Variants in CNTFR observed in about 807,000 individuals in gnomAD.
CNTFR encodes ciliary neurotrophic factor receptor subunit alpha.
CNTFR carries 12 observed loss-of-function variants against 40.4 expected under a neutral mutation model. The ratio of observed to expected loss-of-function variants is 0.30; its 90% CI spans 0.19 to 0.48. The LOEUF (loss-of-function observed/expected upper bound fraction) is 0.48. Ranked by LOEUF, CNTFR falls within the 20% of genes least tolerant of loss-of-function variation. The probability of loss-of-function intolerance (pLI) is 0.99; values close to 1 mark genes in which losing one functional copy is unlikely to be tolerated. For missense variants in CNTFR, 414 were observed against 506.8 expected, an observed-to-expected ratio of 0.82 and a Z score of 1.76; for synonymous variants, 202 against 209.6, an observed-to-expected ratio of 0.96 and a Z score of 0.31.
At chr9:34,583,498 C>A (rs1299148147) in intron 1 of CNTFR, among the ~76,000 whole-genome samples, 1 of 152,158 alleles carries the variant, frequency 6.6e-6, no homozygotes, top group Non-Finnish European at 1.5e-5. Flanking sequence ...CCCATCATTC[C>A]AATCCCAGAC....
At chr9:34,563,143 C>T (rs558428813) in intron 4 of CNTFR, among the ~76,000 whole-genome samples, 72 of 152,334 alleles carry the variant, frequency 4.7e-4, no homozygotes, top group African/African-American at 1.6e-3. Context: ...CATCAACTCC[C>T]GGTTGTCCTC....
chr9:34,583,171 G>A (rs1284559151), intron 1 of CNTFR, among the ~76,000 whole-genome samples: 1 of 152,220 alleles, frequency 6.6e-6, no homozygotes, highest in Non-Finnish European at 1.5e-5. Context: ...CCTCTAGGAG[G>A]CTGAGAGAAT....
intron 2 of CNTFR, among the ~76,000 whole-genome samples, chr9:34,574,664 TG>T (rs1349164911): frequency 6.6e-6 from 1 of 152,028 alleles, no homozygotes; most frequent in Non-Finnish European, 1.5e-5. Context: ...TTGAGTGAGT[TG>T]GGGGGGTTGG....
intron 2 of CNTFR, among the ~76,000 whole-genome samples, chr9:34,575,648 T>A (rs919696392): frequency 6.6e-6 from 1 of 151,512 alleles, no homozygotes; most frequent in African/African-American, 2.4e-5. Context: ...CAGAGGCCCA[T>A]GCAAGCAAGC....
chr9:34,551,909 G>T lies in CNTFR; in HGVS notation c.*162C>A. ...GCCAGCTTGGTGCGGCAGGGCTGGGGGGCGGCAGGCCCGGGCCCGCCGGGG... is the reference window on the plus strand; with the variant it reads ...GCCAGCTTGGTGCGGCAGGGCTGGGTGGCGGCAGGCCCGGGCCCGCCGGGG... On this transcript the variant is annotated 3_prime_UTR_variant, in exon 10 of 10. Transcript: ENST00000378980. The T allele has an allele frequency of 1.4e-6, 1 of 707,974 alleles. No homozygotes were observed. The highest frequency in any genetic ancestry group is 2.0e-5 in the Admixed American group (1 of 49,648). The allele number at this position is 707,974 out of a possible 1,614,324, so 43.9% of individuals were successfully genotyped here. A position where few individuals can be genotyped will look rare whatever the true frequency, so the allele number is the denominator to read the frequency against.
chr9:34,551,581 G>C lies in CNTFR; in HGVS notation c.*490C>G. 1 of 266,154 alleles carries C rather than the reference G, an allele frequency of 3.8e-6. No individual in the cohort carries two copies. The highest frequency in any genetic ancestry group is 7.3e-6 in the Non-Finnish European group (1 of 137,282). 16.5% of individuals were successfully genotyped at this position (266,154 alleles called of 1,614,324 possible). A position where few individuals can be genotyped will look rare whatever the true frequency, so the allele number is the denominator to read the frequency against. On this transcript the variant is annotated 3_prime_UTR_variant, in exon 10 of 10. Transcript: ENST00000378980. ...ATACTGTGGGATAGGAGCAGGGTCA[G>C]GGGAGGGGTATACAAAACAGGGCAG...
rs1034925838 is a variant in CNTFR, at chr9:34,557,239, G to A, written c.604+287C>T. Among the ~76,000 whole-genome samples the A allele has an allele frequency of 2.6e-5, 4 of 152,064 alleles. No homozygotes were observed. Among genetic ancestry groups the A allele is most frequent in the African/African-American group, 9.7e-5 (4 of 41,418 alleles). Reference sequence around the variant, plus strand: ...TGCAGCTGCACAAGGGTCTGGCCCAGCCTGCCCCCCCTTCCCCCTGCTGCA... The same window carrying A: ...TGCAGCTGCACAAGGGTCTGGCCCAACCTGCCCCCCCTTCCCCCTGCTGCA... On this transcript the variant is annotated intron_variant, in intron 6 of 9. Coordinates refer to ENST00000378980, the MANE Select transcript of CNTFR (RefSeq NM_147164.3). This position sits in a 1 kb window ranked among gnomAD's most constrained non-coding sequence, Gnocchi z 4.2.
chr9:34,578,281 G>A (rs1564073380), intron 2 of CNTFR, among the ~76,000 whole-genome samples: 2 of 152,226 alleles, frequency 1.3e-5, no homozygotes, highest in Non-Finnish European at 1.5e-5. Flanking sequence ...ACGAGCAAGC[G>A]AGCAAGCGAG....
At chr9:34,574,026 G>A (rs1376820172) in intron 2 of CNTFR, among the ~76,000 whole-genome samples, 1 of 152,214 alleles carries the variant, frequency 6.6e-6, no homozygotes, top group East Asian at 1.9e-4. Context: ...CTCCAGGACA[G>A]GGAGGAGGGG....
At chr9:34,570,735 C>T (rs923720563) in intron 2 of CNTFR, among the ~76,000 whole-genome samples, 2 of 152,192 alleles carry the variant, frequency 1.3e-5, no homozygotes, top group Non-Finnish European at 2.9e-5. Flanking sequence ...GACAGAGACG[C>T]AGTGCCAGAT....
At chr9:34,570,289 A>C (rs907849831) in intron 2 of CNTFR, among the ~76,000 whole-genome samples, 3 of 152,156 alleles carry the variant, frequency 2.0e-5, no homozygotes, top group Non-Finnish European at 4.4e-5. Flanking sequence ...CCAAAGAGAC[A>C]GGTAGATGAA....
intron 2 of CNTFR, among the ~76,000 whole-genome samples, chr9:34,577,806 G>T (rs1428548253): frequency 6.6e-6 from 1 of 151,924 alleles, no homozygotes; most frequent in East Asian, 1.9e-4. Context: ...CGGCTGCAGA[G>T]GCAGGGGGGC....
chr9:34,575,546 A>G (rs1826910210), intron 2 of CNTFR, among the ~76,000 whole-genome samples: 1 of 152,080 alleles, frequency 6.6e-6, no homozygotes, highest in South Asian at 2.1e-4. Context: ...GTTGGAGATT[A>G]GGACAAAGAC....
chr9:34,556,848 T>C (rs1825854226), intron 6 of CNTFR, among the ~76,000 whole-genome samples: 1 of 152,180 alleles, frequency 6.6e-6, no homozygotes, highest in African/African-American at 2.4e-5. Context: ...ACTTCAACTT[T>C]TCCAGTTCCA....
At chr9:34,564,569 G>A in intron 4 of CNTFR, 30 bp downstream of exon 4, 3 of 1,566,298 alleles carry the variant, frequency 1.9e-6, no homozygotes, top group Non-Finnish European at 1.7e-6. Flanking sequence ...GAAGGAGGGA[G>A]GCTGGATGAG....
rs1372095447 is a variant in CNTFR at position 34,552,689 on chromosome 9, C to T, written c.934G>A (p.Glu312Lys). The change falls in exon 8 of 10, where the codon GAG becomes AAG. Residue 312 changes from glutamate to lysine, a missense_variant. By Grantham distance (56) the Glu-to-Lys change is moderately conservative (BLOSUM62 1). Coordinates refer to ENST00000378980, the MANE Select transcript of CNTFR (RefSeq NM_147164.3). The surrounding 1 kb of genome is among the most constrained non-coding windows in gnomAD (Gnocchi z 5.1). ...WTEEPRHLTT[E>K]AQAAETTTST... ...GCAAGCTCACCCGCAGCCTGGGCCTCCGTGGTGAGGTGTCGCGGTTCCTCA... is the reference window on the plus strand; with the variant it reads ...GCAAGCTCACCCGCAGCCTGGGCCTTCGTGGTGAGGTGTCGCGGTTCCTCA... 1.2e-5 allele frequency: 20 copies of T among 1,613,352 alleles called. No individual in the cohort carries two copies. The highest frequency in any genetic ancestry group is 1.6e-5 in the Non-Finnish European group (19 of 1,179,956).
chr9:34,580,771 G>C (rs563462710), intron 2 of CNTFR, among the ~76,000 whole-genome samples: 3 of 152,162 alleles, frequency 2.0e-5, no homozygotes, highest in Non-Finnish European at 4.4e-5. Context: ...AGAGATGTCT[G>C]GGGGGCAGAG....
intron 2 of CNTFR, among the ~76,000 whole-genome samples, chr9:34,577,809 AG>A (rs746678298): frequency 2.0e-4 from 31 of 151,400 alleles, no homozygotes; most frequent in Non-Finnish European, 2.9e-4. Context: ...CTGCAGAGGC[AG>A]GGGGGCTGGG....
chr9:34,587,376 T>A (rs1483359392), intron 1 of CNTFR, among the ~76,000 whole-genome samples: 1 of 152,166 alleles, frequency 6.6e-6, no homozygotes, highest in Non-Finnish European at 1.5e-5. Context: ...AACATCAGAA[T>A]CCTACTGTGA....
Sources: allele counts gnomAD v4.1 joint callset (sites outside exome capture counted in the v4.1 genomes callset), GRCh38; gene constraint gnomAD v4.1.1; non-coding constraint Gnocchi (gnomAD v3.1); transcripts MANE v1.5; gene names NCBI Gene and HGNC (gene_info 2026-07-23, HGNC 2026-07-21).